The following PREX2 variants were observed in gnomAD, a reference collection of about 807,000 sequenced individuals.
The protein encoded by PREX2 is phosphatidylinositol-3,4,5-trisphosphate dependent Rac exchange factor 2.
In PREX2, 107 loss-of-function variants were observed where a neutral mutation model predicts 203.2. The observed-to-expected ratio is 0.53, with a 90% CI of 0.45 to 0.62. PREX2 has a LOEUF of 0.62. Among genes scored for constraint, PREX2 ranks in the 20% least tolerant of loss-of-function variants. The probability of loss-of-function intolerance (pLI) is 0.00; values close to 1 mark genes in which losing one functional copy is unlikely to be tolerated. For synonymous variants in PREX2, 672 were observed against 663.6 expected (o/e 1.01, Z -0.19); for missense variants, 1,777 against 1,955.9 (o/e 0.91, Z 1.72).
chr8:68,056,867 G>A (rs967293604), intron 10 of PREX2, among the ~76,000 whole-genome samples: 7 of 152,280 alleles, frequency 4.6e-5, no homozygotes, highest in Non-Finnish European at 5.9e-5. Context: ...AATTTGTTGT[G>A]TGATTTGGGA....
intron 14 of PREX2, among the ~76,000 whole-genome samples, chr8:68,074,711 T>C (rs1247839387): frequency 6.6e-6 from 1 of 152,122 alleles, no homozygotes; most frequent in African/African-American, 2.4e-5. Context: ...CATGTAAGGG[T>C]CTCTTTCTTC....
chr8:68,171,501 A>G (rs899859187), intron 35 of PREX2, among the ~76,000 whole-genome samples: 11 of 151,954 alleles, frequency 7.2e-5, no homozygotes, highest in African/African-American at 1.7e-4. Context: ...ATCGGTAGCT[A>G]TGCTCCCCTG....
intron 1 of PREX2, among the ~76,000 whole-genome samples, chr8:67,965,401 T>C (rs1805738667): frequency 6.6e-6 from 1 of 152,190 alleles, no homozygotes; most frequent in Admixed American, 6.5e-5. Context: ...ATATAGCTCG[T>C]GTTTATCCTA....
At chr8:68,056,615 T>G (rs1336125377) in intron 10 of PREX2, among the ~76,000 whole-genome samples, 1 of 29,592 alleles carries the variant, frequency 3.4e-5, no homozygotes, top group Non-Finnish European at 5.8e-5. Flanking sequence ...CAGGTAGCTC[T>G]TTTTTAGGCC....
chr8:68,086,594 T>A (rs1041197192), intron 18 of PREX2, among the ~76,000 whole-genome samples: 3 of 152,202 alleles, frequency 2.0e-5, no homozygotes, highest in African/African-American at 7.2e-5. Context: ...ATTGTTATGA[T>A]GTTCCCTCGC....
rs1445686661 is a variant in PREX2, at chr8:68,099,713, A to T, written c.2585A>T (p.His862Leu). 5 of 1,613,802 alleles carry T rather than the reference A, an allele frequency of 3.1e-6. No homozygotes were observed. The highest frequency in any genetic ancestry group is 2.2e-5 in the East Asian group (1 of 44,882). Residue 862 changes from histidine to leucine, a missense_variant, in exon 23 of 40, where the codon CAT (histidine) becomes CTT (leucine). Coordinates refer to ENST00000288368, the MANE Select transcript of PREX2 (RefSeq NM_024870.4). ...ILEALAKSDE[H>L]FVQNCTSLNS... ...GAAGCCCTGGCTAAAAGTGATGAGCATTTTGTACAAAACTGTACCAGCCTA... is the reference window on the plus strand; with the variant it reads ...GAAGCCCTGGCTAAAAGTGATGAGCTTTTTGTACAAAACTGTACCAGCCTA...
At chr8:68,187,766 A>C (rs1812218460) in intron 35 of PREX2, among the ~76,000 whole-genome samples, 1 of 152,124 alleles carries the variant, frequency 6.6e-6, no homozygotes, top group Non-Finnish European at 1.5e-5. Flanking sequence ...ATAAAATATG[A>C]GGATAGGAAA....
chr8:68,067,527 TTTC>T (rs1809053834), intron 11 of PREX2, among the ~76,000 whole-genome samples: 1 of 152,090 alleles, frequency 6.6e-6, no homozygotes, highest in African/African-American at 2.4e-5. Flanking sequence ...ATTTTTAACA[TTTC>T]TTTTTTCCAT....
At chr8:68,132,228 A>G (rs887010280) in intron 31 of PREX2, among the ~76,000 whole-genome samples, 3 of 152,088 alleles carry the variant, frequency 2.0e-5, no homozygotes, top group African/African-American at 2.4e-5. Flanking sequence ...TTCAATGTCT[A>G]CTGTGATAGA....
At chr8:67,959,777 C>T (rs1805585239) in intron 1 of PREX2, among the ~76,000 whole-genome samples, 1 of 152,160 alleles carries the variant, frequency 6.6e-6, no homozygotes, top group Admixed American at 6.5e-5. Context: ...CCCTTGTGAA[C>T]ACATACCAGA....
intron 31 of PREX2, among the ~76,000 whole-genome samples, chr8:68,133,572 C>G (rs1811050811): frequency 6.6e-6 from 1 of 152,144 alleles, no homozygotes; most frequent in Non-Finnish European, 1.5e-5. Context: ...ATCGTATACT[C>G]TTTTTCCCCA....
chr8:68,044,618 A>G (rs1284076177), intron 8 of PREX2, 28 bp downstream of exon 8: 1 of 1,468,078 alleles, frequency 6.8e-7, no homozygotes, highest in Non-Finnish European at 9.5e-7. Context: ...TTTAAATGGG[A>G]TGCCAATAGT....
Position 68,092,244 on chromosome 8 carries a change from G to A in PREX2, c.2251-1361G>A, listed in dbSNP as rs186817871. 4.0e-3 allele frequency among the ~76,000 whole-genome samples: 611 copies of A among 152,222 alleles called. 7 individuals are homozygous for A. Among genetic ancestry groups the A allele is most frequent in the Non-Finnish European group, 6.5e-3 (444 of 68,004 alleles). ...TATCCCTTTGGACAAACCAAATCAC[G>A]TGGCCAAGCCCAGGGTCAATGTGGG... On this transcript the variant is annotated intron_variant, in intron 20 of 39. Coordinates refer to ENST00000288368, the MANE Select transcript of PREX2 (RefSeq NM_024870.4).
chr8:68,164,013 C>T lies in PREX2; in HGVS notation c.4346+6577C>T, dbSNP rs79304809. On this transcript the variant is annotated intron_variant, in intron 35 of 39. Transcript: ENST00000288368. ...TCAGGTAACACAGTACAAAAGACGG[C>T]GGTAGGGTATGAGACCTCAGACGAA... Among the ~76,000 whole-genome samples, 812 of 152,126 alleles carry T rather than the reference C, an allele frequency of 5.3e-3. 4 individuals carry two copies. The highest frequency in any genetic ancestry group is 0.019 in the African/African-American group (776 of 41,510).
intron 23 of PREX2, among the ~76,000 whole-genome samples, chr8:68,104,432 C>T (rs932343532): frequency 6.6e-6 from 1 of 152,178 alleles, no homozygotes; most frequent in African/African-American, 2.4e-5. Context: ...GACACACCAG[C>T]CCTGTGGCTT....
At chr8:68,211,825 C>T (rs892771076) in intron 37 of PREX2, among the ~76,000 whole-genome samples, 1 of 152,078 alleles carries the variant, frequency 6.6e-6, no homozygotes, top group African/African-American at 2.4e-5. Flanking sequence ...AAGTAGGATA[C>T]TGGGACAAGG....
At chr8:68,012,838 G>A (rs1807303968) in intron 1 of PREX2, among the ~76,000 whole-genome samples, 1 of 152,078 alleles carries the variant, frequency 6.6e-6, no homozygotes, top group Non-Finnish European at 1.5e-5. Context: ...TGTGAGCACC[G>A]GACAGTCCTT....
chr8:68,025,148 T>C (rs1046474013), intron 4 of PREX2, among the ~76,000 whole-genome samples: 11 of 149,638 alleles, frequency 7.4e-5, no homozygotes, highest in African/African-American at 2.8e-4. Context: ...CCTTAGTACT[T>C]CTTCTTCTTG....
intron 23 of PREX2, chr8:68,100,202 G>A: frequency 2.2e-6 from 1 of 461,750 alleles, no homozygotes; most frequent in Non-Finnish European, 4.3e-6. Context: ...TCCCAACTAA[G>A]AGAATGAAAA....
Sources: gnomAD v4.1 joint callset for allele counts (sites outside exome capture counted in the v4.1 genomes callset) on GRCh38, gnomAD v4.1.1 for gene constraint, MANE v1.5 for transcripts, NCBI Gene and HGNC (gene_info 2026-07-23, HGNC 2026-07-21) for gene names.